FANCC: variants seen among roughly 807,000 people sequenced by gnomAD.
FANCC encodes FA complementation group C.
In FANCC, 55 loss-of-function variants were observed where a neutral mutation model predicts 71.3. That is an observed-to-expected ratio of 0.77 (90% CI 0.62 to 0.97). The LOEUF (loss-of-function observed/expected upper bound fraction) is 0.97, where lower values mean the gene tolerates loss of function less well. FANCC is among the 50% of genes least tolerant of loss of function. FANCC has a pLI of 0.00. For missense variants in FANCC, 678 were observed against 670.9 expected (o/e 1.01, Z -0.12); for synonymous variants, 275 against 244.9 (o/e 1.12, Z -1.15).
chr9:95,275,034 G>A (rs1256759305), intron 1 of FANCC, among the ~76,000 whole-genome samples: 9 of 151,766 alleles, frequency 5.9e-5, no homozygotes, highest in African/African-American at 2.2e-4. Context: ...GGATTGCAAA[G>A]GCTGAGGCAG....
intron 4 of FANCC, among the ~76,000 whole-genome samples, chr9:95,238,232 C>T (rs1830433072): frequency 6.6e-6 from 1 of 152,168 alleles, no homozygotes; most frequent in South Asian, 2.1e-4. Flanking sequence ...AAGGCTTCCA[C>T]TATTCCCACA....
At chr9:95,101,934 C>T in intron 14 of FANCC, 84 bp from the exon 15 acceptor site, 1 of 1,521,822 alleles carries the variant, frequency 6.6e-7, no homozygotes, top group South Asian at 1.1e-5. Flanking sequence ...CATAACCACC[C>T]AGTCCCTGAA....
chr9:95,316,117 G>A (rs1003376303), intron 1 of FANCC, among the ~76,000 whole-genome samples: 1 of 152,184 alleles, frequency 6.6e-6, no homozygotes, highest in Non-Finnish European at 1.5e-5. Flanking sequence ...AAATAAATTC[G>A]AATGTATAAT....
rs78274347 is a variant in FANCC at position 95,273,516 on chromosome 9, G to A, written c.-78-24147C>T. On this transcript the variant is annotated intron_variant, in intron 1 of 14. Coordinates refer to ENST00000289081, the MANE Select transcript of FANCC (RefSeq NM_000136.3). ...GTCCAAATAGGAAGTGGAACTAGAAGCTCCTGCCACATCTCAGGGTGTCCA... is the reference window on the plus strand; with the variant it reads ...GTCCAAATAGGAAGTGGAACTAGAAACTCCTGCCACATCTCAGGGTGTCCA... Among the ~76,000 whole-genome samples, 1,248 of 152,304 alleles carry A rather than the reference G, an allele frequency of 8.2e-3. 16 individuals carry two copies. The highest frequency in any genetic ancestry group is 0.012 in the Non-Finnish European group (808 of 68,026).
chr9:95,148,663 A>G (rs1039609774), intron 7 of FANCC, among the ~76,000 whole-genome samples: 1 of 152,234 alleles, frequency 6.6e-6, no homozygotes, highest in Non-Finnish European at 1.5e-5. Flanking sequence ...GAAGATATAC[A>G]TAACTCAATG....
chr9:95,310,466 T>C (rs1835322250), intron 1 of FANCC, among the ~76,000 whole-genome samples: 1 of 152,138 alleles, frequency 6.6e-6, no homozygotes, highest in Admixed American at 6.5e-5. Flanking sequence ...TCCATCCTGC[T>C]TCCCTCATGA....
intron 7 of FANCC, among the ~76,000 whole-genome samples, chr9:95,147,740 T>C (rs961517931): frequency 4.6e-5 from 7 of 152,212 alleles, no homozygotes; most frequent in African/African-American, 9.7e-5. Context: ...AACTGCCACA[T>C]CAGTTTGAGA....
chr9:95,279,265 C>T lies in FANCC; in HGVS notation c.-78-29896G>A, dbSNP rs188725515. 6.6e-4 allele frequency among the ~76,000 whole-genome samples: 100 copies of T among 152,038 alleles called. 1 individual carries two copies. Among genetic ancestry groups the T allele is most frequent in the Non-Finnish European group, 1.2e-3 (82 of 68,002 alleles). On this transcript the variant is annotated intron_variant, in intron 1 of 14. Transcript: ENST00000289081. ...CCCGGGAGACAGAGGTTGCAGTGAGCCGAGCTCACACCACTGCACTCCAGC... is the reference window on the plus strand; with the variant it reads ...CCCGGGAGACAGAGGTTGCAGTGAGTCGAGCTCACACCACTGCACTCCAGC...
chr9:95,139,035 A>G (rs568637074), intron 7 of FANCC, among the ~76,000 whole-genome samples: 2 of 152,334 alleles, frequency 1.3e-5, no homozygotes, highest in African/African-American at 4.8e-5. Context: ...TCACCCCTGA[A>G]TGAAGGAATC....
chr9:95,122,645 A>G (rs1318560566), intron 10 of FANCC, among the ~76,000 whole-genome samples: 1 of 152,210 alleles, frequency 6.6e-6, no homozygotes, highest in Non-Finnish European at 1.5e-5. Context: ...CTGCAACATC[A>G]GTCCCAATCC....
At chr9:95,102,891 GGGCCTGCAGCC>G (rs1459321526) in intron 14 of FANCC, among the ~76,000 whole-genome samples, 1 of 152,238 alleles carries the variant, frequency 6.6e-6, no homozygotes, top group African/African-American at 2.4e-5. Flanking sequence ...GCAGCACACA[GGGCCTGCAGCC>G]GGCCTGCAAC....
intron 4 of FANCC, among the ~76,000 whole-genome samples, chr9:95,224,702 T>G (rs1042825190): frequency 6.6e-6 from 1 of 152,140 alleles, no homozygotes. Context: ...TGGAATCATA[T>G]AGTATTTGTT....
Position 95,107,245 on chromosome 9 carries a change from G to A in FANCC, c.1354C>T (p.His452Tyr), listed in dbSNP as rs1292041489. 1.2e-6 allele frequency: 2 copies of A among 1,613,920 alleles called. No homozygotes were observed. The highest frequency in any genetic ancestry group is 8.5e-7 in the Non-Finnish European group (1 of 1,180,030). ...CTGCTTCTGGACATTGCCAGGAGGT[G>A]GCCCAGCACGGCCTTCACCTGGACC... Reference protein sequence around the residue: ...TMVQVKAVLGHLLAMSRSSSL... With the variant: ...TMVQVKAVLGYLLAMSRSSSL... The change falls in exon 14 of 15, where the codon CAC becomes TAC. Residue 452 changes from histidine to tyrosine, a missense_variant. Transcript: ENST00000289081.
rs547568635 is a variant in FANCC at position 95,110,771 on chromosome 9, T to C, written c.1329+692A>G. On this transcript the variant is annotated intron_variant, in intron 13 of 14. Transcript: ENST00000289081. ...ACTGGCAGTTGAAGTTTTAAGAACC[T>C]AGCAAATCAATGCTTGCAAGGGAGG... The C allele has an allele frequency of 6.3e-6, 7 of 1,106,176 alleles. No homozygotes were observed. In the South Asian group the frequency reaches 1.5e-4, roughly 24 times the overall value. 68.5% of individuals were successfully genotyped at this position (1,106,176 alleles called of 1,614,324 possible).
rs1455029821 is a variant in FANCC at position 95,249,014 on chromosome 9, G to A, written c.165+113C>T. The A allele has an allele frequency of 3.5e-5, 37 of 1,070,474 alleles. No homozygotes were observed. The South Asian group carries it at 3.6e-4, about 11-fold the overall frequency. The allele number at this position is 1,070,474 out of a possible 1,614,324, so 66.3% of individuals were successfully genotyped here. Reference sequence around the variant, plus strand: ...GAGTAATTTGTCTTCCTAATCCATCGGCACTTCAGTCAATACCACAAGTCC... The same window carrying A: ...GAGTAATTTGTCTTCCTAATCCATCAGCACTTCAGTCAATACCACAAGTCC... On this transcript the variant is annotated intron_variant, in intron 2 of 14. Transcript: ENST00000289081.
At chr9:95,199,865 G>C (rs558572184) in intron 4 of FANCC, among the ~76,000 whole-genome samples, 4 of 152,104 alleles carry the variant, frequency 2.6e-5, no homozygotes, top group Non-Finnish European at 5.9e-5. Context: ...ACAACAGAGA[G>C]GACATTTATT....
chr9:95,300,457 T>C (rs1834653468), intron 1 of FANCC, among the ~76,000 whole-genome samples: 1 of 139,840 alleles, frequency 7.2e-6, no homozygotes, highest in South Asian at 2.2e-4. Flanking sequence ...ATACAATTTC[T>C]TTTTTTTTTT....
intron 1 of FANCC, among the ~76,000 whole-genome samples, chr9:95,278,145 G>A (rs866402542): frequency 2.6e-4 from 39 of 152,124 alleles, no homozygotes; most frequent in Non-Finnish European, 1.5e-4. Context: ...TTGGGCTAAG[G>A]AAGTAACTAC....
chr9:95,137,013 T>C (rs1437143559), intron 7 of FANCC, among the ~76,000 whole-genome samples: 1 of 152,054 alleles, frequency 6.6e-6, no homozygotes, highest in Non-Finnish European at 1.5e-5. Flanking sequence ...TGGGTGCTTT[T>C]CAAACTTGAT....
Sources: gnomAD v4.1 joint callset for allele counts (sites outside exome capture counted in the v4.1 genomes callset) on GRCh38, gnomAD v4.1.1 for gene constraint, MANE v1.5 for transcripts, NCBI Gene and HGNC (gene_info 2026-07-23, HGNC 2026-07-21) for gene names.